The following ACSS3 variants were observed in gnomAD, a reference collection of about 807,000 sequenced individuals.
ACSS3 encodes acyl-CoA synthetase short chain family member 3, also known as acyl-CoA synthetase short-chain family member 3, mitochondrial.
ACSS3 carries 64 observed loss-of-function variants against 84.2 expected under a neutral mutation model. The ratio of observed to expected loss-of-function variants is 0.76; its 90% confidence interval spans 0.62 to 0.94. The LOEUF is 0.94. Ranked by LOEUF, ACSS3 falls within the 40% of genes least tolerant of loss-of-function variation. The probability of loss-of-function intolerance (pLI) is 0.00; values close to 1 mark genes in which losing one functional copy is unlikely to be tolerated. For synonymous variants in ACSS3, 317 were observed against 310.1 expected, an observed-to-expected ratio of 1.02 and a Z score of -0.23; for missense variants, 815 against 867.6, an observed-to-expected ratio of 0.94 and a Z score of 0.76.
At chr12:81,087,794 T>A (rs922869781) in intron 1 of ACSS3, among the ~76,000 whole-genome samples, 4 of 152,048 alleles carry the variant, frequency 2.6e-5, no homozygotes, top group Admixed American at 2.0e-4. Context: ...ACAGATGAAA[T>A]TTGCCACTCT....
intron 8 of ACSS3, among the ~76,000 whole-genome samples, chr12:81,192,076 C>T (rs1253832030): frequency 6.6e-6 from 1 of 152,084 alleles, no homozygotes; most frequent in Non-Finnish European, 1.5e-5. Flanking sequence ...CATTATATCA[C>T]TGTTATAAGA....
At chr12:81,110,984 A>C (rs1455277356) in intron 2 of ACSS3, among the ~76,000 whole-genome samples, 1 of 152,172 alleles carries the variant, frequency 6.6e-6, no homozygotes, top group African/African-American at 2.4e-5. Flanking sequence ...CCTTGTAAGA[A>C]ATTTCAAGAA....
At position 81,199,357 on chromosome 12, in the gene ACSS3, G is replaced by A; in HGVS notation, c.1267G>A (p.Val423Met). The part of the protein sequence containing the change: ...YSLTRFKTLF[V>M]AGERCDVETL... ...CATATTCAGGTTCAAAACATTATTT[G>A]TGGCTGGAGAACGATGTGATGTAGA... The change falls in exon 9 of 16, where the codon GTG becomes ATG. Residue 423 changes from valine (V) to methionine (M), a missense_variant. By Grantham distance (21) the Val-to-Met change is conservative (BLOSUM62 1). Coordinates refer to ENST00000548058, the MANE Select transcript of ACSS3 (RefSeq NM_024560.4). The A allele has an allele frequency of 6.2e-7, 1 of 1,613,204 alleles. No individual in the cohort carries two copies. Among genetic ancestry groups the A allele is most frequent in the Non-Finnish European group, 8.5e-7 (1 of 1,179,588 alleles).
intron 7 of ACSS3, among the ~76,000 whole-genome samples, chr12:81,158,757 G>C (rs1593141469): frequency 6.6e-6 from 1 of 152,084 alleles, no homozygotes; most frequent in Non-Finnish European, 1.5e-5. Flanking sequence ...CTTCCTCAGG[G>C]AAGCCCTCCT....
chr12:81,190,859 T>C (rs2031534212), intron 8 of ACSS3, among the ~76,000 whole-genome samples: 1 of 152,100 alleles, frequency 6.6e-6, no homozygotes, highest in Admixed American at 6.6e-5. Flanking sequence ...TTTCCCCCTC[T>C]TATTGTATTA....
Position 81,253,584 on chromosome 12 carries a change from G to A in ACSS3, c.1909G>A (p.Val637Met). 1 of 1,613,984 alleles carries A rather than the reference G, an allele frequency of 6.2e-7. No homozygotes were observed. The highest frequency in any genetic ancestry group is 8.5e-7 in the Non-Finnish European group (1 of 1,179,932). ...CCCTGTGGCTGCTTTTCGAAATGCAGTGTTTGTCAAACAGCTACCCAAAAC... is the reference window on the plus strand; with the variant it reads ...CCCTGTGGCTGCTTTTCGAAATGCAATGTTTGTCAAACAGCTACCCAAAAC... ...IGPVAAFRNA[V>M]FVKQLPKTRS... Residue 637 changes from valine (V) to methionine (M), a missense_variant, in exon 15 of 16, where the codon GTG (valine) becomes ATG (methionine). Transcript: ENST00000548058.
intron 5 of ACSS3, among the ~76,000 whole-genome samples, chr12:81,144,469 C>A (rs888904671): frequency 6.6e-6 from 1 of 152,056 alleles, no homozygotes; most frequent in Non-Finnish European, 1.5e-5. Context: ...ATAATCTGCT[C>A]GACATAATTC....
chr12:81,177,531 A>T lies in ACSS3; in HGVS notation c.1250+2592A>T, dbSNP rs543875814. On this transcript the variant is annotated intron_variant, in intron 8 of 15. Coordinates refer to ENST00000548058, the MANE Select transcript of ACSS3 (RefSeq NM_024560.4). ...TACCATCACAGTGAACAGGCAACCC[A>T]CAAAATGGGAGAAAATTTTCACAAC... 7.6e-4 allele frequency among the ~76,000 whole-genome samples: 116 copies of T among 152,326 alleles called. 1 individual carries two copies. The highest frequency in any genetic ancestry group is 2.7e-3 in the African/African-American group (112 of 41,578).
intron 10 of ACSS3, among the ~76,000 whole-genome samples, chr12:81,219,471 CT>C (rs1236846365): frequency 6.6e-6 from 1 of 152,062 alleles, no homozygotes; most frequent in Admixed American, 6.6e-5. Context: ...TGGATACAAG[CT>C]TTAATCTCCT....
At chr12:81,099,048 A>T (rs1333971822) in intron 1 of ACSS3, among the ~76,000 whole-genome samples, 1 of 152,192 alleles carries the variant, frequency 6.6e-6, no homozygotes. Flanking sequence ...ACACTTTTGA[A>T]TAGAAAAATT....
In ACSS3 at chr12:81,152,097, G is replaced by A; in HGVS notation, c.1098+1G>A. On this transcript the variant is annotated splice_donor_variant, in intron 7 of 15. Transcript: ENST00000548058. LOFTEE classifies it high-confidence loss of function. ...TGGGAACACAACAGTTTTATATGAG[G>A]TAATAAAGTAAAGTTAATACCACAT... 6.2e-7 allele frequency: 1 copy of A among 1,605,140 alleles called. No individual in the cohort carries two copies. The highest frequency in any genetic ancestry group is 1.1e-5 in the South Asian group (1 of 90,110).
At chr12:81,110,973 G>T (rs78294673) in intron 2 of ACSS3, among the ~76,000 whole-genome samples, 2,622 of 152,050 alleles carry the variant, frequency 0.017, 73 homozygotes, top group African/African-American at 0.061. Context: ...TTCTTATTTT[G>T]CCTTGTAAGA....
At chr12:81,230,012 C>T (rs1201218738) in intron 11 of ACSS3, among the ~76,000 whole-genome samples, 2 of 151,836 alleles carry the variant, frequency 1.3e-5, no homozygotes, top group African/African-American at 4.8e-5. Flanking sequence ...TTCTTTTGTA[C>T]TGTCAGACCC....
chr12:81,205,185 G>T (rs944846375), intron 9 of ACSS3, among the ~76,000 whole-genome samples: 1 of 152,038 alleles, frequency 6.6e-6, no homozygotes, highest in Non-Finnish European at 1.5e-5. Flanking sequence ...GGACCCAAAG[G>T]CTCCTCCAAA....
In ACSS3 at chr12:81,257,904, ATCTT is replaced by A. The variant is rs1312713345; in HGVS notation, c.*2986_*2989del. On this transcript the variant is annotated 3_prime_UTR_variant, in exon 16 of 16. Coordinates refer to ENST00000548058, the MANE Select transcript of ACSS3 (RefSeq NM_024560.4). ...TGTTAGTGTCTATTATAGATGATTA[ATCTT>A]TCTAACTTGATCTTTAAAAGAAAGA... 6.6e-6 allele frequency: 1 copy of A among 152,122 alleles called. No individual in the cohort carries two copies. Among genetic ancestry groups the A allele is most frequent in the African/African-American group, 2.4e-5 (1 of 41,440 alleles). 9.4% of individuals were successfully genotyped at this position (152,122 alleles called of 1,614,324 possible).
At chr12:81,251,669 A>AAAAAAAAAAAAAAAAG (rs2034157485) in intron 13 of ACSS3, among the ~76,000 whole-genome samples, 1 of 78,956 alleles carries the variant, frequency 1.3e-5, no homozygotes, top group South Asian at 3.5e-4. Context: ...CCATCTCTAC[A>AAAAAAAAAAAAAAAAG]AAAAAAAAAA....
rs1361987760 is a variant in ACSS3 at position 81,151,945 on chromosome 12, A to G, written c.1002+21A>G. 8.7e-6 allele frequency: 14 copies of G among 1,613,216 alleles called. No individual in the cohort carries two copies. The East Asian group carries it at 3.1e-4, about 36-fold the overall frequency. ...GAGAGGTAATCGTGGTTTTAAATTT[A>G]CATTACATGACATTCTCTGAATAAA... On this transcript the variant is annotated intron_variant, in intron 6 of 15. Transcript: ENST00000548058.
chr12:81,145,753 G>T (rs544034795), intron 5 of ACSS3, among the ~76,000 whole-genome samples: 2 of 152,128 alleles, frequency 1.3e-5, no homozygotes, highest in African/African-American at 4.8e-5. Context: ...TACTCATCAT[G>T]ATGTGTCTTC....
At chr12:81,167,436 T>C (rs1887454559) in intron 7 of ACSS3, among the ~76,000 whole-genome samples, 1 of 152,156 alleles carries the variant, frequency 6.6e-6, no homozygotes. Flanking sequence ...AGAAATTTAT[T>C]TCTGAAATAT....
Sources: gnomAD v4.1 joint callset for allele counts (sites outside exome capture counted in the v4.1 genomes callset) on GRCh38, gnomAD v4.1.1 for gene constraint, MANE v1.5 for transcripts, NCBI Gene and HGNC (gene_info 2026-07-23, HGNC 2026-07-21) for gene names.